STAT4: variants seen among roughly 807,000 people sequenced by gnomAD.
The protein encoded by STAT4 is signal transducer and activator of transcription 4.
Under a neutral mutation model 110.5 loss-of-function variants are expected in STAT4, and 42 were observed. The observed-to-expected ratio is 0.38, with a 90% CI of 0.30 to 0.49. The LOEUF is 0.49. STAT4 is among the 20% of genes least tolerant of loss of function. STAT4 has a pLI of 0.95. For synonymous variants in STAT4, 284 were observed against 302.2 expected, an observed-to-expected ratio of 0.94 and a Z score of 0.63; for missense variants, 632 against 887.9, an observed-to-expected ratio of 0.71 and a Z score of 3.66.
chr2:191,045,680 A>T (rs1284657836), intron 14 of STAT4, among the ~76,000 whole-genome samples: 1 of 152,236 alleles, frequency 6.6e-6, no homozygotes, highest in East Asian at 1.9e-4. Context: ...CAATTCTGTG[A>T]TTATGTGGGA....
intron 3 of STAT4, among the ~76,000 whole-genome samples, chr2:191,084,118 T>C (rs1413904308): frequency 6.6e-6 from 1 of 151,946 alleles, no homozygotes; most frequent in East Asian, 1.9e-4. Context: ...AAAAATTAGC[T>C]GGGCATGGTG....
chr2:191,139,401 C>T (rs1699262398), intron 3 of STAT4, among the ~76,000 whole-genome samples: 1 of 152,136 alleles, frequency 6.6e-6, no homozygotes, highest in South Asian at 2.1e-4. Flanking sequence ...TCAGTAAACT[C>T]TCAGGATACG....
At chr2:191,136,145 T>C (rs1384532599) in intron 3 of STAT4, among the ~76,000 whole-genome samples, 2 of 152,036 alleles carry the variant, frequency 1.3e-5, no homozygotes, top group Admixed American at 1.3e-4. Flanking sequence ...AAAAATCATA[T>C]GACCATCTCA....
intron 3 of STAT4, among the ~76,000 whole-genome samples, chr2:191,118,735 T>C (rs1193945990): frequency 6.6e-6 from 1 of 152,210 alleles, no homozygotes; most frequent in Non-Finnish European, 1.5e-5. Flanking sequence ...AGAAATGGAA[T>C]TGCTTTGTCA....
rs1184781938 is a variant in STAT4, at chr2:191,031,914, G to A, written c.2045-398C>T. On this transcript the variant is annotated intron_variant, in intron 21 of 23. Coordinates refer to ENST00000392320, the MANE Select transcript of STAT4 (RefSeq NM_003151.4). The surrounding 1 kb of genome is among the most constrained non-coding windows in gnomAD (Gnocchi z 4.8). ...TGACACCAATCAGAATCTTATGATT[G>A]CAAACGTTCTTGAAGTACAGATGTC... is the stretch of plus-strand genomic sequence containing the variant. Among the ~76,000 whole-genome samples the A allele has an allele frequency of 6.6e-6, 1 of 152,140 alleles. No individual in the cohort carries two copies. Among genetic ancestry groups the A allele is most frequent in the East Asian group, 1.9e-4 (1 of 5,198 alleles).
chr2:191,131,921 G>T, intron 3 of STAT4: 1 of 1,370,422 alleles, frequency 7.3e-7, no homozygotes. Flanking sequence ...TTAGAGGTCT[G>T]TTTATTCTCT....
chr2:191,148,976 C>A (rs1184752056), intron 1 of STAT4, among the ~76,000 whole-genome samples: 2 of 152,160 alleles, frequency 1.3e-5, no homozygotes, highest in Non-Finnish European at 2.9e-5. Flanking sequence ...ACCTATTTGG[C>A]AGCCTGTCAT....
chr2:191,119,034 G>C (rs1418167394), intron 3 of STAT4, among the ~76,000 whole-genome samples: 1 of 152,172 alleles, frequency 6.6e-6, no homozygotes, highest in African/African-American at 2.4e-5. Context: ...CCAAAGTGCT[G>C]GGATGACAGG....
At chr2:191,123,817 T>A (rs1698802323) in intron 3 of STAT4, among the ~76,000 whole-genome samples, 1 of 152,216 alleles carries the variant, frequency 6.6e-6, no homozygotes. Flanking sequence ...CGTGAGAGTA[T>A]TGTACTGCGT....
At chr2:191,054,790 C>T (rs1217617452) in intron 13 of STAT4, among the ~76,000 whole-genome samples, 6 of 152,072 alleles carry the variant, frequency 3.9e-5, no homozygotes, top group Admixed American at 1.3e-4. Context: ...TCAACATTTT[C>T]GAAAAAGGAA....
At chr2:191,115,209 T>C (rs906220723) in intron 3 of STAT4, among the ~76,000 whole-genome samples, 2 of 152,164 alleles carry the variant, frequency 1.3e-5, no homozygotes, top group Non-Finnish European at 2.9e-5. Flanking sequence ...CAAAAACCCA[T>C]TCACCAAGAA....
chr2:191,033,006 G>A lies in STAT4; in HGVS notation c.1996C>T (p.Pro666Ser). The A allele has an allele frequency of 6.2e-7, 1 of 1,614,196 alleles. No homozygotes were observed. The highest frequency in any genetic ancestry group is 8.5e-7 in the Non-Finnish European group (1 of 1,180,028). The change falls in exon 21 of 24, where the codon CCC becomes TCC. Residue 666 changes from proline (P) to serine (S), a missense_variant. Transcript: ENST00000392320. The surrounding 1 kb of genome is among the most constrained non-coding windows in gnomAD (Gnocchi z 6.9). ...TGTTTACCGAAGGCTTTGTCTTTGG[G>A]AATGTCAGGATATAGGTACTTCAGA... Reference protein sequence around the residue: ...NPLKYLYPDIPKDKAFGKHYS... With the variant: ...NPLKYLYPDISKDKAFGKHYS...
intron 3 of STAT4, among the ~76,000 whole-genome samples, chr2:191,134,869 C>G (rs1349872210): frequency 1.3e-5 from 2 of 151,954 alleles, no homozygotes; most frequent in Non-Finnish European, 2.9e-5. Context: ...AAAAAAATTC[C>G]TTGAAACAAA....
chr2:191,058,730 C>G lies in STAT4; in HGVS notation c.1074G>C (p.Lys358Asn). 1.3e-6 allele frequency: 2 copies of G among 1,592,690 alleles called. No homozygotes were observed. The highest frequency in any genetic ancestry group is 1.7e-6 in the Non-Finnish European group (2 of 1,168,948). The change falls in exon 11 of 24, where the codon AAG becomes AAC. Residue 358 changes from lysine to asparagine, a missense_variant. Around this residue, in one of 4 missense-constraint regions of STAT4, gnomAD observed 488 missense variants for 632.8 expected, o/e 0.77. Transcript: ENST00000392320. This position sits in a 1 kb window ranked among gnomAD's most constrained non-coding sequence, Gnocchi z 4.3. ...CTTACTTGTCAATTGATGCCTTAAC[C>G]TTTACCTGATAGTTTAGTTCTGGCA... ...IKLPELNYQVKVKASIDKNVS... is the reference protein window; with the variant it reads ...IKLPELNYQVNVKASIDKNVS...
intron 1 of STAT4, among the ~76,000 whole-genome samples, chr2:191,149,994 T>C (rs1699554795): frequency 6.6e-6 from 1 of 152,212 alleles, no homozygotes; most frequent in African/African-American, 2.4e-5. Context: ...AAGAGGATTT[T>C]GAATGTTCAC....
chr2:191,149,198 A>G (rs1699531188), intron 1 of STAT4, among the ~76,000 whole-genome samples: 1 of 152,188 alleles, frequency 6.6e-6, no homozygotes, highest in African/African-American at 2.4e-5. Flanking sequence ...AATCACCATA[A>G]CATTTCAACA....
chr2:191,101,742 G>A (rs1346695690), intron 3 of STAT4, among the ~76,000 whole-genome samples: 1 of 151,624 alleles, frequency 6.6e-6, no homozygotes, highest in Non-Finnish European at 1.5e-5. Flanking sequence ...ATATTACTTG[G>A]TACATACTGA....
intron 3 of STAT4, among the ~76,000 whole-genome samples, chr2:191,118,854 G>T (rs1037392291): frequency 6.6e-6 from 1 of 152,140 alleles, no homozygotes; most frequent in Non-Finnish European, 1.5e-5. Context: ...AAACTCTTGG[G>T]CTCAGGTGAT....
intron 14 of STAT4, among the ~76,000 whole-genome samples, chr2:191,045,484 G>A (rs1399147595): frequency 1.3e-5 from 2 of 152,166 alleles, no homozygotes; most frequent in South Asian, 2.1e-4. Context: ...TTTATAAAAT[G>A]AGCCATGGGA....
Sources: allele counts gnomAD v4.1 joint callset (sites outside exome capture counted in the v4.1 genomes callset), GRCh38; gene constraint gnomAD v4.1.1; regional missense constraint gnomAD v4.1.1; non-coding constraint Gnocchi (gnomAD v3.1); transcripts MANE v1.5; gene names NCBI Gene and HGNC (gene_info 2026-07-23, HGNC 2026-07-21).